AUH: variants seen among roughly 807,000 people sequenced by gnomAD.
The protein encoded by AUH is AU RNA binding methylglutaconyl-CoA hydratase, also known as methylglutaconyl-CoA hydratase, mitochondrial.
Under a neutral mutation model 42.3 loss-of-function variants are expected in AUH, and 29 were observed. That is an observed-to-expected ratio of 0.69 (90% CI 0.51 to 0.93). AUH has a LOEUF of 0.93. Ranked by LOEUF, AUH falls within the 40% of genes least tolerant of loss-of-function variation. AUH has a pLI of 0.00. For synonymous variants in AUH, 174 were observed against 166.4 expected, an observed-to-expected ratio of 1.05 and a Z score of -0.35; for missense variants, 452 against 438.1, an observed-to-expected ratio of 1.03 and a Z score of -0.28.
At chr9:91,240,263 C>A (rs538740611) in intron 6 of AUH, among the ~76,000 whole-genome samples, 3 of 152,302 alleles carry the variant, frequency 2.0e-5, no homozygotes, top group African/African-American at 7.2e-5. Flanking sequence ...TCTTGGCCAG[C>A]TCCCACCAAT....
chr9:91,281,849 C>T (rs1381866768), intron 6 of AUH, among the ~76,000 whole-genome samples: 1 of 152,162 alleles, frequency 6.6e-6, no homozygotes, highest in Non-Finnish European at 1.5e-5. Context: ...ACTTCAACTA[C>T]AGCAACAGGC....
intron 4 of AUH, among the ~76,000 whole-genome samples, chr9:91,324,584 G>C (rs1280958854): frequency 8.0e-6 from 1 of 124,466 alleles, no homozygotes; most frequent in Admixed American, 7.7e-5. Flanking sequence ...CATTTGAAAA[G>C]ATAAAACATC....
chr9:91,296,137 T>C (rs1450926035), intron 5 of AUH, 60 bp from the exon 6 acceptor site: 8 of 1,525,220 alleles, frequency 5.2e-6, no homozygotes, highest in African/African-American at 2.7e-5. Flanking sequence ...ATATGACAAC[T>C]TGAAAAAGTT....
chr9:91,355,462 C>T (rs560068976), intron 3 of AUH, among the ~76,000 whole-genome samples: 5 of 151,822 alleles, frequency 3.3e-5, no homozygotes, highest in Non-Finnish European at 5.9e-5. Context: ...GGGGCTGAGG[C>T]GGGAGAATCA....
At chr9:91,254,062 C>T (rs1829280914) in intron 6 of AUH, among the ~76,000 whole-genome samples, 1 of 152,136 alleles carries the variant, frequency 6.6e-6, no homozygotes, top group Non-Finnish European at 1.5e-5. Flanking sequence ...AAAGATTGAT[C>T]CATAAACAAA....
At position 91,263,857 on chromosome 9, in the gene AUH, C is replaced by T. The variant is rs1829828128; in HGVS notation, c.655+32164G>A. On this transcript the variant is annotated intron_variant, in intron 6 of 9. Transcript: ENST00000375731. Reference sequence around the variant, plus strand: ...CTCATCTACACTAATCTTCAACTGCCTCTCCCAATTTTTAGCTCTTCTACT... The same window carrying T: ...CTCATCTACACTAATCTTCAACTGCTTCTCCCAATTTTTAGCTCTTCTACT... Among the ~76,000 whole-genome samples the T allele has an allele frequency of 2.0e-5, 3 of 152,242 alleles. No individual in the cohort carries two copies. In the South Asian group the frequency reaches 6.2e-4, roughly 32 times the overall value.
chr9:91,331,992 T>C (rs916041469), intron 3 of AUH, among the ~76,000 whole-genome samples: 1 of 152,250 alleles, frequency 6.6e-6, no homozygotes, highest in Admixed American at 6.5e-5. Context: ...TTTTTGTTCC[T>C]ATTATTGCTA....
At chr9:91,265,495 TTA>T (rs2072860766) in intron 6 of AUH, among the ~76,000 whole-genome samples, 1 of 152,184 alleles carries the variant, frequency 6.6e-6, no homozygotes, top group Admixed American at 6.5e-5. Context: ...GACCTCTTGG[TTA>T]TGTGTTCTTT....
At chr9:91,309,107 A>C (rs925871437) in intron 4 of AUH, among the ~76,000 whole-genome samples, 1 of 150,936 alleles carries the variant, frequency 6.6e-6, no homozygotes, top group Non-Finnish European at 1.5e-5. Flanking sequence ...TTTTATCTTA[A>C]ATGTATTATG....
intron 3 of AUH, among the ~76,000 whole-genome samples, chr9:91,332,590 T>C (rs1830410001): frequency 6.6e-6 from 1 of 152,216 alleles, no homozygotes; most frequent in African/African-American, 2.4e-5. Context: ...AGGAGAGTTT[T>C]ATTTCTCATA....
chr9:91,300,731 C>T (rs1827719383), intron 4 of AUH, among the ~76,000 whole-genome samples: 2 of 152,212 alleles, frequency 1.3e-5, no homozygotes, highest in Admixed American at 1.3e-4. Flanking sequence ...TGCCTAATCT[C>T]TTCCAAAACC....
Position 91,355,873 on chromosome 9 carries a change from A to ATT in AUH, c.418+8_418+9dup, listed in dbSNP as rs1832370325. ...ACAGTTTAATTTCATAATACAACAT[A>ATT]TTTACATACCAGCACAGAATATCCC... On this transcript the variant is annotated intron_variant, in intron 3 of 9. Coordinates refer to ENST00000375731, the MANE Select transcript of AUH (RefSeq NM_001698.3). 6.3e-7 allele frequency: 1 copy of ATT among 1,594,492 alleles called. No homozygotes were observed. The highest frequency in any genetic ancestry group is 1.3e-5 in the African/African-American group (1 of 74,462).
chr9:91,316,778 GA>G (rs1359026913), intron 4 of AUH, among the ~76,000 whole-genome samples: 52 of 152,300 alleles, frequency 3.4e-4, no homozygotes, highest in African/African-American at 1.2e-3. Context: ...ATGCATACAA[GA>G]ATCTTTGGCC....
intron 6 of AUH, among the ~76,000 whole-genome samples, chr9:91,226,550 G>C (rs1408391325): frequency 4.0e-5 from 6 of 148,340 alleles, no homozygotes; most frequent in Non-Finnish European, 4.5e-5. Context: ...AAGCTCTTTA[G>C]TTTAATTAGA....
rs757870796 is a variant in AUH, at chr9:91,356,083, C to T, written c.330+5G>A. On this transcript the variant is annotated splice_donor_5th_base_variant and intron_variant, in intron 2 of 9. Coordinates refer to ENST00000375731, the MANE Select transcript of AUH (RefSeq NM_001698.3). Reference sequence around the variant, plus strand: ...AGAAGCAAACAGTTTAATCTTTACACTCACCATTTTTATAAGATTTTTACT... The same window carrying T: ...AGAAGCAAACAGTTTAATCTTTACATTCACCATTTTTATAAGATTTTTACT... 2 of 1,611,304 alleles carry T rather than the reference C, an allele frequency of 1.2e-6. No homozygotes were observed. The highest frequency in any genetic ancestry group is 1.7e-6 in the Non-Finnish European group (2 of 1,177,852).
intron 3 of AUH, among the ~76,000 whole-genome samples, chr9:91,337,636 A>G (rs76224506): frequency 0.025 from 3,827 of 152,308 alleles, 79 homozygotes; most frequent in East Asian, 0.066. Context: ...CAAACAGAGT[A>G]AACTACAGGA....
rs369580834 is a variant in AUH, at chr9:91,282,383, A to G, written c.655+13638T>C. Among the ~76,000 whole-genome samples, 39 of 151,976 alleles carry G rather than the reference A, an allele frequency of 2.6e-4. No individual in the cohort carries two copies. In the East Asian group the frequency reaches 5.0e-3, roughly 20 times the overall value. Reference sequence around the variant, plus strand: ...CCACTTCTGCCATAATACACAATTTATCATGTGCTAGGTCTACTGTTCCTG... The same window carrying G: ...CCACTTCTGCCATAATACACAATTTGTCATGTGCTAGGTCTACTGTTCCTG... On this transcript the variant is annotated intron_variant, in intron 6 of 9. Transcript: ENST00000375731.
intron 4 of AUH, among the ~76,000 whole-genome samples, chr9:91,306,023 G>A (rs139470800): frequency 4.6e-5 from 7 of 152,186 alleles, no homozygotes; most frequent in African/African-American, 7.2e-5. Flanking sequence ...TGAGACCTAC[G>A]GCAACACCAC....
intron 6 of AUH, among the ~76,000 whole-genome samples, chr9:91,290,427 AG>A (rs1826771558): frequency 6.6e-6 from 1 of 152,240 alleles, no homozygotes; most frequent in South Asian, 2.1e-4. Flanking sequence ...AACAAAAAAA[AG>A]AAAGAAAAGA....
Sources: allele counts gnomAD v4.1 joint callset (sites outside exome capture counted in the v4.1 genomes callset), GRCh38; gene constraint gnomAD v4.1.1; transcripts MANE v1.5; gene names NCBI Gene and HGNC (gene_info 2026-07-23, HGNC 2026-07-21).